ATXN1: variants seen among roughly 807,000 people sequenced by gnomAD.
The protein encoded by ATXN1 is ataxin-1.
A neutral mutation model predicts 56.4 loss-of-function variants in ATXN1; 8 were observed. That is an observed-to-expected ratio of 0.14 (90% CI 0.08 to 0.26). ATXN1 has a LOEUF of 0.26. Ranked by LOEUF, ATXN1 falls within the 10% of genes least tolerant of loss-of-function variation. The pLI, the probability that ATXN1 is intolerant of heterozygous loss-of-function variation, is 1.00. For synonymous variants in ATXN1, 514 were observed against 494.6 expected (o/e 1.04, Z -0.52); for missense variants, 987 against 1,106.5 (o/e 0.89, Z 1.53).
At chr6:16,538,955 G>A (rs552769057) in intron 4 of ATXN1, among the ~76,000 whole-genome samples, 1 of 152,204 alleles carries the variant, frequency 6.6e-6, no homozygotes, top group East Asian at 1.9e-4. Context: ...CAAAGTGCTG[G>A]GATTACAGGC....
chr6:16,529,512 C>T (rs1182341757), intron 4 of ATXN1, among the ~76,000 whole-genome samples: 3 of 152,158 alleles, frequency 2.0e-5, no homozygotes, highest in Non-Finnish European at 2.9e-5. Context: ...GCAGATTGAA[C>T]ACCCGCTCAT....
rs1300232517 is a variant in ATXN1, at chr6:16,303,752, G to A, written c.*2577C>T. 1 of 152,596 alleles carries A rather than the reference G, an allele frequency of 6.6e-6. No homozygotes were observed. Among genetic ancestry groups the A allele is most frequent in the Non-Finnish European group, 1.5e-5 (1 of 68,028 alleles). 9.5% of individuals were successfully genotyped at this position (152,596 alleles called of 1,614,324 possible). ...CTCGAAGTAAGCCAAAAGGTGGTGT[G>A]TGTTTTTCTGAGTCCACATGAGTTG... On this transcript the variant is annotated 3_prime_UTR_variant, in exon 8 of 8. Coordinates refer to ENST00000436367, the MANE Select transcript of ATXN1 (RefSeq NM_001128164.2). This position sits in a 1 kb window ranked among gnomAD's most constrained non-coding sequence, Gnocchi z 4.3.
chr6:16,759,590 C>G (rs1761003903), intron 1 of ATXN1, among the ~76,000 whole-genome samples: 1 of 114,752 alleles, frequency 8.7e-6, no homozygotes, highest in South Asian at 2.9e-4. Context: ...TTTCCCTCTT[C>G]TCAAATATTT....
At chr6:16,497,618 CATCT>C (rs892298585) in intron 5 of ATXN1, among the ~76,000 whole-genome samples, 2 of 152,212 alleles carry the variant, frequency 1.3e-5, no homozygotes, top group African/African-American at 4.8e-5. Flanking sequence ...CAAGTTCCTC[CATCT>C]GTTTCCAAGA....
At position 16,326,269 on chromosome 6, in the gene ATXN1, G is replaced by C. The variant is rs1182642094; in HGVS notation, c.1917+125C>G. On this transcript the variant is annotated intron_variant, in intron 7 of 7. Coordinates refer to ENST00000436367, the MANE Select transcript of ATXN1 (RefSeq NM_001128164.2). This position sits in a 1 kb window ranked among gnomAD's most constrained non-coding sequence, Gnocchi z 6.6. The stretch of plus-strand genomic sequence containing the variant: ...AGAGAACGCAGTTGGGAAAGGCCGA[G>C]TCTAAGGTCTAGGTGTACCCGAGAA... 6.8e-7 allele frequency: 1 copy of C among 1,465,406 alleles called. No individual in the cohort carries two copies. Among genetic ancestry groups the C allele is most frequent in the African/African-American group, 1.4e-5 (1 of 70,572 alleles). 90.8% of individuals were successfully genotyped at this position (1,465,406 alleles called of 1,614,324 possible).
chr6:16,622,403 C>T (rs1483126188), intron 3 of ATXN1, among the ~76,000 whole-genome samples: 3 of 151,908 alleles, frequency 2.0e-5, no homozygotes, highest in Admixed American at 6.6e-5. Context: ...GGTCTCATAA[C>T]GATAACCAAA....
At chr6:16,605,706 A>G (rs1337362923) in intron 3 of ATXN1, among the ~76,000 whole-genome samples, 2 of 152,200 alleles carry the variant, frequency 1.3e-5, no homozygotes, top group Admixed American at 1.3e-4. Context: ...TACATATGGT[A>G]CAGTAGAAAA....
At chr6:16,529,786 A>G (rs945917676) in intron 4 of ATXN1, among the ~76,000 whole-genome samples, 2 of 152,316 alleles carry the variant, frequency 1.3e-5, no homozygotes, top group African/African-American at 4.8e-5. Flanking sequence ...GGCATGATGT[A>G]CATGTCTCTA....
intron 3 of ATXN1, among the ~76,000 whole-genome samples, chr6:16,630,593 G>A (rs1581311741): frequency 6.6e-6 from 1 of 152,034 alleles, no homozygotes; most frequent in Non-Finnish European, 1.5e-5. Flanking sequence ...ACTGTGAATC[G>A]GCATCTGAGA....
intron 5 of ATXN1, among the ~76,000 whole-genome samples, chr6:16,490,824 C>G (rs1396631766): frequency 1.3e-5 from 2 of 152,174 alleles, no homozygotes; most frequent in East Asian, 3.9e-4. Flanking sequence ...AGTGACTGGC[C>G]TAGGGGTAGG....
chr6:16,643,252 C>CAA (rs111830296), intron 3 of ATXN1, among the ~76,000 whole-genome samples: 14 of 106,488 alleles, frequency 1.3e-4, no homozygotes, highest in East Asian at 5.4e-4. Flanking sequence ...ACTCCCAACT[C>CAA]AAAAAAAAAA....
At chr6:16,489,768 T>C (rs1230901036) in intron 5 of ATXN1, among the ~76,000 whole-genome samples, 1 of 152,038 alleles carries the variant, frequency 6.6e-6, no homozygotes, top group African/African-American at 2.4e-5. Flanking sequence ...CAATGCACTA[T>C]GATCACGCCA....
intron 5 of ATXN1, among the ~76,000 whole-genome samples, chr6:16,508,667 T>C (rs1045235470): frequency 7.2e-5 from 11 of 152,150 alleles, no homozygotes; most frequent in African/African-American, 2.4e-4. Flanking sequence ...TTGTGCACTG[T>C]TGGTAGAAAT....
intron 2 of ATXN1, among the ~76,000 whole-genome samples, chr6:16,685,479 AT>A (rs1370454203): frequency 1.3e-5 from 2 of 152,188 alleles, no homozygotes; most frequent in African/African-American, 4.8e-5. Context: ...AATACACAAT[AT>A]TGCTGCTGCA....
intron 3 of ATXN1, among the ~76,000 whole-genome samples, chr6:16,629,917 C>CAA (rs56412324): frequency 0.022 from 3,220 of 145,690 alleles, 65 homozygotes; most frequent in Admixed American, 0.072. Context: ...AACTCCATCT[C>CAA]AAAAAAAAAA....
intron 3 of ATXN1, among the ~76,000 whole-genome samples, chr6:16,644,216 T>C (rs1763759874): frequency 6.6e-6 from 1 of 152,142 alleles, no homozygotes; most frequent in African/African-American, 2.4e-5. Flanking sequence ...TGCCACTGAA[T>C]TGTACACTTA....
chr6:16,534,546 C>A (rs1761562907), intron 4 of ATXN1, among the ~76,000 whole-genome samples: 1 of 151,856 alleles, frequency 6.6e-6, no homozygotes, highest in Admixed American at 6.6e-5. Flanking sequence ...AACACTCCCA[C>A]CATGGCCAAT....
intron 6 of ATXN1, among the ~76,000 whole-genome samples, chr6:16,474,860 ACACACT>A (rs1760294391): frequency 1.3e-5 from 2 of 148,746 alleles, no homozygotes; most frequent in African/African-American, 2.5e-5. Context: ...ACACACACAC[ACACACT>A]CTCTCTCTCT....
chr6:16,573,601 C>T (rs1017452949), intron 4 of ATXN1, among the ~76,000 whole-genome samples: 3 of 152,210 alleles, frequency 2.0e-5, no homozygotes, highest in African/African-American at 7.2e-5. Context: ...AACTCTGTGT[C>T]ACCTCCTGCA....
Sources: gnomAD v4.1 joint callset for allele counts (sites outside exome capture counted in the v4.1 genomes callset) on GRCh38, gnomAD v4.1.1 for gene constraint, Gnocchi (gnomAD v3.1) non-coding constraint, MANE v1.5 for transcripts, NCBI Gene and HGNC (gene_info 2026-07-23, HGNC 2026-07-21) for gene names.